Variants in TMEM132C observed in about 807,000 individuals in gnomAD.
TMEM132C encodes protein phosphatase 1, regulatory subunit 152.
TMEM132C carries 29 observed loss-of-function variants against 61.4 expected under a neutral mutation model. The observed-to-expected ratio is 0.47, with a 90% CI of 0.35 to 0.64. The LOEUF is 0.64. Ranked by LOEUF, TMEM132C falls within the 30% of genes least tolerant of loss-of-function variation. The pLI, the probability that TMEM132C is intolerant of heterozygous loss-of-function variation, is 0.00. For missense variants in TMEM132C, 1,408 were observed against 1,476.9 expected (o/e 0.95, Z 0.76); for synonymous variants, 656 against 633.1 (o/e 1.04, Z -0.54).
At chr12:128,333,896 GTGTGT>G (rs1427201844) in intron 1 of TMEM132C, among the ~76,000 whole-genome samples, 1 of 151,514 alleles carries the variant, frequency 6.6e-6, no homozygotes, top group African/African-American at 2.4e-5. Flanking sequence ...CTTGTGTGGT[GTGTGT>G]TGTATGTGTG....
intron 4 of TMEM132C, among the ~76,000 whole-genome samples, chr12:128,652,440 C>A (rs765213697): frequency 2.0e-5 from 3 of 152,156 alleles, no homozygotes; most frequent in African/African-American, 7.2e-5. Context: ...AAAGGGTCAG[C>A]GATGAGGGTC....
At chr12:128,406,396 C>T (rs899060986) in intron 1 of TMEM132C, among the ~76,000 whole-genome samples, 2 of 152,138 alleles carry the variant, frequency 1.3e-5, no homozygotes. Flanking sequence ...ATCCTTTTTC[C>T]CATGGAGCTT....
intron 1 of TMEM132C, among the ~76,000 whole-genome samples, chr12:128,306,232 C>G (rs1871774766): frequency 7.4e-6 from 1 of 135,472 alleles, no homozygotes. Context: ...TGAGACTGAG[C>G]CTTGCTCCGT....
At chr12:128,571,229 C>A (rs139720478) in intron 3 of TMEM132C, among the ~76,000 whole-genome samples, 46 of 152,280 alleles carry the variant, frequency 3.0e-4, no homozygotes, top group Middle Eastern at 3.4e-3. Flanking sequence ...ATTAACCAAC[C>A]CTTATTGCCT....
intron 3 of TMEM132C, among the ~76,000 whole-genome samples, chr12:128,569,667 T>G (rs906819276): frequency 3.3e-5 from 5 of 152,198 alleles, no homozygotes; most frequent in African/African-American, 1.2e-4. Context: ...GAGAGAGTAG[T>G]AAAACCTGAC....
chr12:128,447,088 C>T (rs998475313), intron 2 of TMEM132C, among the ~76,000 whole-genome samples: 5 of 152,110 alleles, frequency 3.3e-5, no homozygotes, highest in Non-Finnish European at 7.4e-5. Flanking sequence ...CTCTCAGGGC[C>T]GTGGAAACAG....
intron 3 of TMEM132C, among the ~76,000 whole-genome samples, chr12:128,610,379 T>C (rs1351660737): frequency 6.6e-6 from 1 of 152,218 alleles, no homozygotes; most frequent in Non-Finnish European, 1.5e-5. Context: ...CCAGACTCAA[T>C]TTTCTTACCA....
At chr12:128,693,585 A>G (rs1018660460) in intron 5 of TMEM132C, among the ~76,000 whole-genome samples, 3 of 152,158 alleles carry the variant, frequency 2.0e-5, no homozygotes, top group African/African-American at 7.2e-5. Flanking sequence ...GTAACAGCCT[A>G]AAAAATGCAC....
intron 1 of TMEM132C, among the ~76,000 whole-genome samples, chr12:128,385,654 A>G (rs12311122): frequency 0.28 from 42,151 of 152,168 alleles, 5,955 homozygotes; most frequent in South Asian, 0.4. Context: ...CCTTTAAGTC[A>G]TTGGAGGAGA....
intron 2 of TMEM132C, among the ~76,000 whole-genome samples, chr12:128,467,533 T>A (rs879794317): frequency 6.6e-6 from 1 of 152,220 alleles, no homozygotes; most frequent in African/African-American, 2.4e-5. Flanking sequence ...TGTTTTCTTT[T>A]CATTCCATTT....
At chr12:128,701,889 G>A (rs192190428) in intron 8 of TMEM132C, among the ~76,000 whole-genome samples, 243 of 82,964 alleles carry the variant, frequency 2.9e-3, no homozygotes, top group African/African-American at 7.9e-3. Flanking sequence ...GCTTCCATTC[G>A]CTTCTTCTTC....
In TMEM132C at chr12:128,699,305, G is replaced by A. The variant is rs562690863; in HGVS notation, c.2121+1890G>A. Among the ~76,000 whole-genome samples the A allele has an allele frequency of 2.0e-5, 3 of 152,334 alleles. No individual in the cohort carries two copies. The East Asian group carries it at 5.8e-4, about 29-fold the overall frequency. ...GCTCACAGTGCGGTGGGTGGGCTCA[G>A]CTGGGTTCATGCCCAGAGTATCAGA... On this transcript the variant is annotated intron_variant, in intron 8 of 8. Coordinates refer to ENST00000435159, the MANE Select transcript of TMEM132C (RefSeq NM_001136103.3).
At chr12:128,562,224 G>A (rs928363869) in intron 3 of TMEM132C, among the ~76,000 whole-genome samples, 3 of 152,216 alleles carry the variant, frequency 2.0e-5, no homozygotes, top group African/African-American at 4.8e-5. Context: ...ATTTGAGGTT[G>A]TGGTTCAGGA....
At chr12:128,475,645 G>A (rs1871131987) in intron 2 of TMEM132C, among the ~76,000 whole-genome samples, 1 of 152,178 alleles carries the variant, frequency 6.6e-6, no homozygotes, top group Non-Finnish European at 1.5e-5. Flanking sequence ...AGGAAAAAGG[G>A]AAATCAGGCA....
At chr12:128,629,604 A>G (rs1954048902) in intron 4 of TMEM132C, among the ~76,000 whole-genome samples, 1 of 152,196 alleles carries the variant, frequency 6.6e-6, no homozygotes, top group Non-Finnish European at 1.5e-5. Flanking sequence ...ATCGAGGGCC[A>G]TGAAGTCTCA....
chr12:128,451,086 T>A (rs1043830129), intron 2 of TMEM132C, among the ~76,000 whole-genome samples: 2 of 152,160 alleles, frequency 1.3e-5, no homozygotes, highest in Non-Finnish European at 2.9e-5. Flanking sequence ...AGCCAGAGAG[T>A]AAAAGCCCCA....
chr12:128,285,276 G>A (rs1357488020), intron 1 of TMEM132C, among the ~76,000 whole-genome samples: 1 of 152,102 alleles, frequency 6.6e-6, no homozygotes, highest in African/African-American at 2.4e-5. Flanking sequence ...TGATTGATAT[G>A]CAATTACTCT....
chr12:128,649,463 A>G (rs1427055658), intron 4 of TMEM132C, among the ~76,000 whole-genome samples: 1 of 152,220 alleles, frequency 6.6e-6, no homozygotes, highest in Non-Finnish European at 1.5e-5. Flanking sequence ...GACAGAGAAG[A>G]GGTCCAGGTG....
chr12:128,534,852 ACAC>A (rs1467160960), intron 2 of TMEM132C, among the ~76,000 whole-genome samples: 2 of 152,214 alleles, frequency 1.3e-5, no homozygotes, highest in Non-Finnish European at 2.9e-5. Context: ...TCCAGAGGTG[ACAC>A]CAGCCACTGC....
Sources: gnomAD v4.1 joint callset for allele counts (sites outside exome capture counted in the v4.1 genomes callset) on GRCh38, gnomAD v4.1.1 for gene constraint, MANE v1.5 for transcripts, NCBI Gene and HGNC (gene_info 2026-07-23, HGNC 2026-07-21) for gene names.